The following HYDIN variants were observed in gnomAD, a reference collection of about 807,000 sequenced individuals.
HYDIN encodes axonemal central pair apparatus protein HYDIN.
Under a neutral mutation model 403.9 loss-of-function variants are expected in HYDIN, and 132 were observed. That is an observed-to-expected ratio of 0.33 (90% confidence interval 0.28 to 0.38). HYDIN has a LOEUF of 0.38. Among genes scored for constraint, HYDIN ranks in the 10% least tolerant of loss-of-function variants. The pLI is 1.00. For synonymous variants in HYDIN, 1,202 were observed against 1,891.7 expected, an observed-to-expected ratio of 0.64 and a Z score of 9.46; for missense variants, 2,827 against 5,009.5, an observed-to-expected ratio of 0.56 and a Z score of 13.15.
chr16:71,184,406 A>G (rs1011445086), intron 3 of HYDIN, among the ~76,000 whole-genome samples: 11 of 152,314 alleles, frequency 7.2e-5, no homozygotes, highest in African/African-American at 2.6e-4. Flanking sequence ...TGATAAAATC[A>G]CTATTCTTTA....
intron 18 of HYDIN, among the ~76,000 whole-genome samples, chr16:71,033,319 G>A (rs1345563882): frequency 6.6e-6 from 1 of 152,162 alleles, no homozygotes; most frequent in Non-Finnish European, 1.5e-5. Flanking sequence ...ATGAAATTGG[G>A]CTTAATTATC....
At chr16:71,215,003 C>T (rs150600398) in intron 1 of HYDIN, among the ~76,000 whole-genome samples, 42 of 152,276 alleles carry the variant, frequency 2.8e-4, no homozygotes, top group African/African-American at 8.9e-4. Context: ...AAAGCCAAGT[C>T]TGGGGCAGGA....
intron 5 of HYDIN, among the ~76,000 whole-genome samples, chr16:71,168,224 CAGG>C (rs920681324): frequency 1.4e-5 from 2 of 144,406 alleles, no homozygotes; most frequent in African/African-American, 5.2e-5. Flanking sequence ...GAGGCTGAGA[CAGG>C]AGAATAGCTT....
intron 65 of HYDIN, among the ~76,000 whole-genome samples, chr16:70,871,299 T>TC (rs1278818241): frequency 1.3e-5 from 2 of 152,060 alleles, no homozygotes; most frequent in Non-Finnish European, 2.9e-5. Flanking sequence ...CTTTGCTCCA[T>TC]CCCCCTCGAG....
chr16:71,085,586 G>C (rs7498924), intron 12 of HYDIN, among the ~76,000 whole-genome samples: 501 of 151,458 alleles, frequency 3.3e-3, no homozygotes, highest in African/African-American at 0.012. Flanking sequence ...GCTGAATTGT[G>C]TATTTCTCCC....
chr16:71,118,146 C>T (rs886747279), intron 9 of HYDIN, among the ~76,000 whole-genome samples: 2 of 152,146 alleles, frequency 1.3e-5, no homozygotes, highest in African/African-American at 4.8e-5. Flanking sequence ...GTTTATCATC[C>T]CACTAAGGTT....
intron 53 of HYDIN, among the ~76,000 whole-genome samples, chr16:70,900,476 C>CA (rs71857692): frequency 0.079 from 5,010 of 63,366 alleles, 525 homozygotes; most frequent in African/African-American, 0.23. Flanking sequence ...GACTCCATCT[C>CA]AAAAAAAAAA....
Position 71,063,735 on chromosome 16 carries a change from T to A in HYDIN, c.2211+970A>T, listed in dbSNP as rs2082164411. Among the ~76,000 whole-genome samples the A allele has an allele frequency of 2.6e-5, 4 of 152,224 alleles. No individual in the cohort carries two copies. The South Asian group carries it at 8.3e-4, about 31-fold the overall frequency. ...CCGTGACTTGTGAAAGGTAGCTGTG[T>A]TATCCTAGCTAATTCTATTCTGTTT... is the stretch of plus-strand genomic sequence containing the variant. On this transcript the variant is annotated intron_variant, in intron 16 of 85. Transcript: ENST00000393567.
chr16:70,818,859 C>T (rs1303981667), intron 83 of HYDIN, among the ~76,000 whole-genome samples: 1 of 152,046 alleles, frequency 6.6e-6, no homozygotes, highest in African/African-American at 2.4e-5. Flanking sequence ...CTGGTGGGGA[C>T]AGCTGGCCGG....
chr16:71,058,472 T>G, intron 18 of HYDIN, among the ~76,000 whole-genome samples: 1 of 108,500 alleles, frequency 9.2e-6, no homozygotes, highest in African/African-American at 3.4e-5. Flanking sequence ...AGGGATAGCA[T>G]TGGGAGATAT....
chr16:70,841,880 T>C (rs1390261809), intron 75 of HYDIN, among the ~76,000 whole-genome samples: 1 of 150,068 alleles, frequency 6.7e-6, no homozygotes, highest in African/African-American at 2.5e-5. Context: ...TTTCTATTCA[T>C]TATAAATTAC....
At chr16:71,208,904 T>C (rs1473668628) in intron 1 of HYDIN, among the ~76,000 whole-genome samples, 1 of 152,026 alleles carries the variant, frequency 6.6e-6, no homozygotes, top group African/African-American at 2.4e-5. Context: ...CAGTAAAAAA[T>C]AGCCTACGAA....
rs2079084451 is a variant in HYDIN, at chr16:70,982,742, CAT to C, written c.4333-1176_4333-1175del. Among the ~76,000 whole-genome samples, 3 of 138,756 alleles carry C rather than the reference CAT, an allele frequency of 2.2e-5. No homozygotes were observed. The South Asian group carries it at 7.4e-4, about 34-fold the overall frequency. The allele number at this position is 138,756 out of a possible 152,430, so 91.0% of individuals were successfully genotyped here. On this transcript the variant is annotated intron_variant, in intron 28 of 85. Coordinates refer to ENST00000393567, the MANE Select transcript of HYDIN (RefSeq NM_001270974.2). ...ATATTATTCCATTACATAGTTTTAA[CAT>C]ATTTTTAAAAACTAGTTTCCTACTG...
intron 13 of HYDIN, among the ~76,000 whole-genome samples, chr16:71,073,850 T>C (rs1450149313): frequency 6.6e-6 from 1 of 152,126 alleles, no homozygotes; most frequent in Non-Finnish European, 1.5e-5. Flanking sequence ...GACTCTCTCA[T>C]GCTACTGCAG....
At chr16:70,964,267 G>C (rs1294742092) in intron 37 of HYDIN, among the ~76,000 whole-genome samples, 2 of 149,592 alleles carry the variant, frequency 1.3e-5, no homozygotes, top group East Asian at 2.0e-4. Flanking sequence ...TAGGGCACCA[G>C]TTTCTACCTT....
At chr16:71,107,931 T>C (rs1250081702) in intron 10 of HYDIN, among the ~76,000 whole-genome samples, 2 of 152,168 alleles carry the variant, frequency 1.3e-5, no homozygotes, top group Admixed American at 1.3e-4. Context: ...AGCCCATCAA[T>C]GGTAGACTGG....
chr16:70,943,774 C>A (rs374840259), intron 42 of HYDIN, 38 bp downstream of exon 42: 296 of 1,598,310 alleles, frequency 1.9e-4, no homozygotes, highest in Non-Finnish European at 2.4e-4. Flanking sequence ...TGCGTGAATG[C>A]CAAGCCCTGC....
intron 84 of HYDIN, among the ~76,000 whole-genome samples, chr16:70,813,293 T>G (rs888063663): frequency 6.7e-6 from 1 of 149,906 alleles, no homozygotes; most frequent in Non-Finnish European, 1.5e-5. Flanking sequence ...AGATCTCTCA[T>G]CCTAGGGGAA....
In HYDIN at chr16:71,086,121, C is replaced by A. The variant is rs528426426; in HGVS notation, c.1670+2180G>T. Among the ~76,000 whole-genome samples the A allele has an allele frequency of 6.0e-3, 914 of 151,844 alleles. 9 individuals carry two copies. Among genetic ancestry groups the A allele is most frequent in the Middle Eastern group, 0.027 (8 of 294 alleles). On this transcript the variant is annotated intron_variant, in intron 12 of 85. Coordinates refer to ENST00000393567, the MANE Select transcript of HYDIN (RefSeq NM_001270974.2). ...TTTGTGTTAAATGGATATTTTCTAC[C>A]CTTTTGAATTCCTTTGTTATTTCTT...
Sources: gnomAD v4.1 joint callset for allele counts (sites outside exome capture counted in the v4.1 genomes callset) on GRCh38, gnomAD v4.1.1 for gene constraint, MANE v1.5 for transcripts, NCBI Gene and HGNC (gene_info 2026-07-23, HGNC 2026-07-21) for gene names.